Variants in PTPRN2 observed in about 807,000 individuals in gnomAD.
The protein encoded by PTPRN2 is receptor-type tyrosine-protein phosphatase N2.
In PTPRN2, 74 loss-of-function variants were observed where a neutral mutation model predicts 118.8. The observed-to-expected ratio is 0.62, with a 90% confidence interval of 0.52 to 0.76. The LOEUF is 0.76. PTPRN2 is among the 30% of genes least tolerant of loss of function. The probability of loss-of-function intolerance (pLI) is 0.00; values close to 1 mark genes in which losing one functional copy is unlikely to be tolerated. For missense variants in PTPRN2, 1,481 were observed against 1,394.4 expected (o/e 1.06, Z -0.99); for synonymous variants, 641 against 608.0 (o/e 1.05, Z -0.80).
rs866666114 is a variant in PTPRN2 at position 158,184,939 on chromosome 7, T to C, written c.549+7388A>G. Among the ~76,000 whole-genome samples the C allele has an allele frequency of 1.2e-4, 19 of 152,350 alleles. 1 individual carries two copies. Among genetic ancestry groups the C allele is most frequent in the African/African-American group, 4.3e-4 (18 of 41,576 alleles). ...TCACCAGTTGATGTAATCTTAGATG[T>C]AGGTTTCCGTCATGGATGGATGGAT... On this transcript the variant is annotated intron_variant, in intron 5 of 22. Coordinates refer to ENST00000389418, the MANE Select transcript of PTPRN2 (RefSeq NM_002847.5).
At chr7:158,180,636 T>C (rs1298138754) in intron 5 of PTPRN2, among the ~76,000 whole-genome samples, 1 of 152,250 alleles carries the variant, frequency 6.6e-6, no homozygotes, top group East Asian at 1.9e-4. Context: ...CTTGTAGTTC[T>C]CTGTATAGAG....
Position 157,784,311 on chromosome 7 carries a change from G to A in PTPRN2, c.1789-101374C>T, listed in dbSNP as rs946642231. Among the ~76,000 whole-genome samples, 6 of 152,158 alleles carry A rather than the reference G, an allele frequency of 3.9e-5. No homozygotes were observed. Among genetic ancestry groups the A allele is most frequent in the Admixed American group, 2.6e-4 (4 of 15,284 alleles). ...CCCCACCTCTGGGGTCTCAGCATCT[G>A]CACAGTGACGGATTAGGGGGGCGGT... On this transcript the variant is annotated intron_variant, in intron 12 of 22. Transcript: ENST00000389418. This position sits in a 1 kb window ranked among gnomAD's most constrained non-coding sequence, Gnocchi z 4.6.
At chr7:158,182,177 C>A (rs575077797) in intron 5 of PTPRN2, among the ~76,000 whole-genome samples, 5 of 152,166 alleles carry the variant, frequency 3.3e-5, no homozygotes, top group African/African-American at 9.7e-5. Context: ...ACCCAAAAAT[C>A]ATTGAGGAGC....
In PTPRN2 at chr7:157,591,789, C is replaced by G. The variant is rs1800998482; in HGVS notation, c.2496+3449G>C. Among the ~76,000 whole-genome samples, 1 of 152,206 alleles carries G rather than the reference C, an allele frequency of 6.6e-6. No homozygotes were observed. ...GGAAGCAACTCTCCTCCATCCTGCT[C>G]TGTGTGGATTTATGGCATCGATGGT... is the stretch of plus-strand genomic sequence containing the variant. On this transcript the variant is annotated intron_variant, in intron 17 of 22. Coordinates refer to ENST00000389418, the MANE Select transcript of PTPRN2 (RefSeq NM_002847.5). This position sits in a 1 kb window ranked among gnomAD's most constrained non-coding sequence, Gnocchi z 4.4.
intron 17 of PTPRN2, among the ~76,000 whole-genome samples, chr7:157,580,540 C>G (rs1020242634): frequency 6.9e-6 from 1 of 145,332 alleles, no homozygotes; most frequent in Non-Finnish European, 1.5e-5. Context: ...CACACCCGAG[C>G]CGAGCCCCTG....
chr7:158,103,960 T>A (rs1375289292), intron 10 of PTPRN2, among the ~76,000 whole-genome samples: 1 of 152,068 alleles, frequency 6.6e-6, no homozygotes, highest in Non-Finnish European at 1.5e-5. Context: ...CCTCCCGGGT[T>A]CAAGCAATTC....
intron 11 of PTPRN2, among the ~76,000 whole-genome samples, chr7:157,962,533 C>T (rs2164220): frequency 0.11 from 16,378 of 152,240 alleles, 1,533 homozygotes; most frequent in East Asian, 0.36. Context: ...CTATTTAATA[C>T]ACAGATTATT....
At chr7:157,955,582 G>A (rs780769818) in intron 11 of PTPRN2, among the ~76,000 whole-genome samples, 60 of 152,220 alleles carry the variant, frequency 3.9e-4, no homozygotes, top group Non-Finnish European at 4.4e-4. Flanking sequence ...GCACACAGCA[G>A]GAGGGTTATC....
intron 1 of PTPRN2, among the ~76,000 whole-genome samples, chr7:158,552,631 G>C (rs1826738550): frequency 6.6e-6 from 1 of 152,168 alleles, no homozygotes; most frequent in African/African-American, 2.4e-5. Context: ...ATTATTGGTA[G>C]AGATGGGGTT....
chr7:158,225,920 G>A, intron 3 of PTPRN2, among the ~76,000 whole-genome samples: 1 of 150,484 alleles, frequency 6.6e-6, no homozygotes, highest in East Asian at 2.0e-4. Context: ...CAGAGGGAGG[G>A]GAGTTGCATA....
intron 12 of PTPRN2, among the ~76,000 whole-genome samples, chr7:157,713,946 G>A (rs983594536): frequency 6.6e-6 from 1 of 152,192 alleles, no homozygotes; most frequent in East Asian, 1.9e-4. Flanking sequence ...TGGCAGCCGC[G>A]AAGCTCTGGC....
intron 10 of PTPRN2, 84 bp downstream of exon 10, chr7:158,110,745 T>C (rs1387177507): frequency 8.6e-6 from 11 of 1,277,592 alleles, no homozygotes; most frequent in African/African-American, 4.5e-5. Flanking sequence ...ACAAGAGCCA[T>C]GGGCTCGCAG....
chr7:157,556,267 T>A (rs940162104), intron 21 of PTPRN2, among the ~76,000 whole-genome samples: 2 of 149,768 alleles, frequency 1.3e-5, no homozygotes, highest in African/African-American at 4.9e-5. Flanking sequence ...ACTCACATCA[T>A]ACATATGCAC....
Position 158,151,086 on chromosome 7 carries a change from TGCCCAAACCGCCCGC to T in PTPRN2, c.911-12586_911-12572del, listed in dbSNP as rs1563520659. Among the ~76,000 whole-genome samples, 12 of 9,292 alleles carry T rather than the reference TGCCCAAACCGCCCGC, an allele frequency of 1.3e-3. 2 individuals are homozygous for T. The highest frequency in any genetic ancestry group is 2.1e-3 in the African/African-American group (8 of 3,748). 6.1% of individuals were successfully genotyped at this position (9,292 alleles called of 152,430 possible). A position where few individuals can be genotyped will look rare whatever the true frequency, so the allele number is the denominator to read the frequency against. On this transcript the variant is annotated intron_variant, in intron 6 of 22. Coordinates refer to ENST00000389418, the MANE Select transcript of PTPRN2 (RefSeq NM_002847.5). ...CCGCCTTTCCACTCTTGCCCCTGCC[TGCCCAAACCGCCCGC>T]CTTTCTGCTCCTACCCCTGCCCACA...
chr7:157,973,461 A>T (rs555569697), intron 11 of PTPRN2, among the ~76,000 whole-genome samples: 5 of 152,352 alleles, frequency 3.3e-5, no homozygotes, highest in African/African-American at 1.2e-4. Flanking sequence ...GATGGGAGGG[A>T]AATGAATTTC....
intron 12 of PTPRN2, among the ~76,000 whole-genome samples, chr7:157,841,605 C>T (rs1471291396): frequency 6.6e-6 from 1 of 152,192 alleles, no homozygotes; most frequent in African/African-American, 2.4e-5. Flanking sequence ...GGGGTGCCTG[C>T]CTGGAAGGGC....
intron 9 of PTPRN2, among the ~76,000 whole-genome samples, chr7:158,132,090 A>G (rs1160708168): frequency 1.3e-5 from 2 of 151,628 alleles, no homozygotes; most frequent in Non-Finnish European, 2.9e-5. Flanking sequence ...ACACACACAC[A>G]CGCACATATG....
chr7:157,811,542 C>A (rs551531973), intron 12 of PTPRN2, among the ~76,000 whole-genome samples: 1 of 151,938 alleles, frequency 6.6e-6, no homozygotes, highest in South Asian at 2.1e-4. Flanking sequence ...ATCCTAAGAA[C>A]CCTGGCCAAA....
rs117756121 is a variant in PTPRN2, at chr7:157,763,567, G to C, written c.1789-80630C>G. 1.4e-4 allele frequency among the ~76,000 whole-genome samples: 21 copies of C among 152,172 alleles called. No individual in the cohort carries two copies. In the East Asian group the frequency reaches 3.9e-3, roughly 28 times the overall value. On this transcript the variant is annotated intron_variant, in intron 12 of 22. Transcript: ENST00000389418. The surrounding 1 kb of genome is among the most constrained non-coding windows in gnomAD (Gnocchi z 4.9). ...GCCTCCACCTCCTTTTCAGAGTTGG[G>C]AGCAGCTGCCCCCCTGGCCATGGGG...
Sources: gnomAD v4.1 joint callset for allele counts (sites outside exome capture counted in the v4.1 genomes callset) on GRCh38, gnomAD v4.1.1 for gene constraint, Gnocchi (gnomAD v3.1) non-coding constraint, MANE v1.5 for transcripts, NCBI Gene and HGNC (gene_info 2026-07-23, HGNC 2026-07-21) for gene names.